VGLL4: variants seen among roughly 807,000 people sequenced by gnomAD.
VGLL4 encodes vestigial like family member 4.
Under a neutral mutation model 21.0 loss-of-function variants are expected in VGLL4, and 7 were observed. The observed-to-expected ratio is 0.33, with a 90% confidence interval of 0.19 to 0.63. VGLL4 has a LOEUF of 0.63. Among genes scored for constraint, VGLL4 ranks in the 20% least tolerant of loss-of-function variants. The pLI is 0.78. For missense variants in VGLL4, 394 were observed against 425.7 expected (o/e 0.93, Z 0.66); for synonymous variants, 222 against 173.2 (o/e 1.28, Z -2.21).
chr3:11,617,878 G>T (rs924715181), intron 1 of VGLL4, among the ~76,000 whole-genome samples: 1 of 152,160 alleles, frequency 6.6e-6, no homozygotes, highest in Non-Finnish European at 1.5e-5. Context: ...TCACTGTCAG[G>T]TGACGTTTTT....
intron 2 of VGLL4, among the ~76,000 whole-genome samples, chr3:11,595,849 GC>G (rs56115493): frequency 0.87 from 130,326 of 149,032 alleles, 57,384 homozygotes; most frequent in Non-Finnish European, 0.91. Flanking sequence ...TGTGGGGGGG[GC>G]GGGGAATAGC....
intron 2 of VGLL4, among the ~76,000 whole-genome samples, chr3:11,573,295 GA>G (rs1359023353): frequency 2.4e-4 from 3 of 12,500 alleles, no homozygotes; most frequent in Admixed American, 1.0e-3. Context: ...AAGAAAGAAA[GA>G]AAGAAAGAAA....
At chr3:11,702,816 A>G in intron 2 of VGLL4, 1 of 483,782 alleles carries the variant, frequency 2.1e-6, no homozygotes. Context: ...GAAAATACAA[A>G]TGAGGATGTG....
At chr3:11,558,879 CAG>C (rs1390677044) in intron 4 of VGLL4, 52 bp from the exon 5 acceptor site, 4 of 1,590,958 alleles carry the variant, frequency 2.5e-6, no homozygotes, top group Non-Finnish European at 3.4e-6. Flanking sequence ...TGCAGACAGA[CAG>C]GCACGGTTGC....
chr3:11,699,360 G>A (rs905404369), intron 2 of VGLL4, among the ~76,000 whole-genome samples: 6 of 152,234 alleles, frequency 3.9e-5, no homozygotes, highest in Middle Eastern at 3.4e-3. Flanking sequence ...AGTAAGAAAG[G>A]TTTCCCAAAA....
chr3:11,692,054 A>C (rs2076534308), intron 2 of VGLL4, among the ~76,000 whole-genome samples: 1 of 152,178 alleles, frequency 6.6e-6, no homozygotes, highest in African/African-American at 2.4e-5. Flanking sequence ...TCAATTGCAA[A>C]TGACATTAAC....
rs2075905575 is a variant in VGLL4, at chr3:11,653,331, A to T, written c.64+49640T>A. Among the ~76,000 whole-genome samples the T allele has an allele frequency of 6.6e-6, 1 of 152,206 alleles. No homozygotes were observed. Among genetic ancestry groups the T allele is most frequent in the African/African-American group, 2.4e-5 (1 of 41,440 alleles). On this transcript the variant is annotated intron_variant, in intron 2 of 5. Transcript: ENST00000273038. This position sits in a 1 kb window ranked among gnomAD's most constrained non-coding sequence, Gnocchi z 4.2. ...CCCCCATAGGGTAACTTACTATCCTAACCTTTAAGAACGTAGATCAGTTGT... is the reference window on the plus strand; with the variant it reads ...CCCCCATAGGGTAACTTACTATCCTTACCTTTAAGAACGTAGATCAGTTGT...
chr3:11,566,205 CACTG>C (rs2073497124), intron 2 of VGLL4, among the ~76,000 whole-genome samples: 1 of 152,122 alleles, frequency 6.6e-6, no homozygotes, highest in Non-Finnish European at 1.5e-5. Context: ...GTTACACACA[CACTG>C]AATGTTACAC....
At chr3:11,560,061 C>T (rs1426982977) in intron 3 of VGLL4, among the ~76,000 whole-genome samples, 1 of 152,130 alleles carries the variant, frequency 6.6e-6, no homozygotes, top group Admixed American at 6.5e-5. Flanking sequence ...CCTTCACCCC[C>T]ACCCCCACGC....
At chr3:11,639,832 C>T (rs532392681) in intron 1 of VGLL4, among the ~76,000 whole-genome samples, 38 of 151,932 alleles carry the variant, frequency 2.5e-4, no homozygotes, top group African/African-American at 8.7e-4. Flanking sequence ...GTGGAGATGG[C>T]GCCACTGCAC....
chr3:11,710,874 C>A (rs984581996), intron 1 of VGLL4, among the ~76,000 whole-genome samples: 2 of 151,870 alleles, frequency 1.3e-5, no homozygotes, highest in African/African-American at 4.8e-5. Flanking sequence ...CTGAGGCAGG[C>A]AGATCACTTG....
intron 1 of VGLL4, among the ~76,000 whole-genome samples, chr3:11,630,345 T>G (rs931260841): frequency 6.6e-6 from 1 of 152,122 alleles, no homozygotes; most frequent in Non-Finnish European, 1.5e-5. Flanking sequence ...CAATTATTGG[T>G]AAAGATTTAG....
rs1231090092 is a variant in VGLL4 at position 11,568,895 on chromosome 3, C to T, written c.273-3876G>A. On this transcript the variant is annotated intron_variant, in intron 2 of 4. Coordinates refer to ENST00000430365, the MANE Select transcript of VGLL4 (RefSeq NM_001128219.3). This position sits in a 1 kb window ranked among gnomAD's most constrained non-coding sequence, Gnocchi z 5.9. ...GGCTGCACGGCACCCGGCCCCGCCC[C>T]GGGCCTCATCCCCATCCTAGGCGGG... is the stretch of plus-strand genomic sequence containing the variant. 1.5e-5 allele frequency: 20 copies of T among 1,312,914 alleles called. No individual in the cohort carries two copies. The highest frequency in any genetic ancestry group is 1.8e-5 in the Non-Finnish European group (18 of 1,027,498). 81.3% of individuals were successfully genotyped at this position (1,312,914 alleles called of 1,614,324 possible). A position where few individuals can be genotyped will look rare whatever the true frequency, so the allele number is the denominator to read the frequency against.
chr3:11,685,840 A>G (rs1191364260), intron 2 of VGLL4, among the ~76,000 whole-genome samples: 1 of 152,146 alleles, frequency 6.6e-6, no homozygotes, highest in Non-Finnish European at 1.5e-5. Context: ...TGACAGAGCG[A>G]GACTCCATCT....
At chr3:11,658,852 G>C (rs773112670) in intron 2 of VGLL4, among the ~76,000 whole-genome samples, 5 of 152,102 alleles carry the variant, frequency 3.3e-5, no homozygotes, top group Non-Finnish European at 7.4e-5. Context: ...GCTGCTAATA[G>C]AAGACACTAG....
chr3:11,681,489 G>A (rs951693187), intron 2 of VGLL4, among the ~76,000 whole-genome samples: 3 of 152,332 alleles, frequency 2.0e-5, no homozygotes, highest in African/African-American at 7.2e-5. Flanking sequence ...ACAGCCCGTC[G>A]GCTCATGGAG....
chr3:11,570,259 C>CCCA (rs1276060782), intron 2 of VGLL4, among the ~76,000 whole-genome samples: 1 of 152,102 alleles, frequency 6.6e-6, no homozygotes, highest in African/African-American at 2.4e-5. Context: ...TCCATCACCT[C>CCCA]GCAGCTCCAT....
intron 1 of VGLL4, among the ~76,000 whole-genome samples, chr3:11,704,919 C>G (rs1367816295): frequency 1.3e-5 from 2 of 152,178 alleles, no homozygotes; most frequent in Non-Finnish European, 2.9e-5. Context: ...GTGAAGAAAA[C>G]AGAACTTGAG....
rs144167165 is a variant in VGLL4, at chr3:11,594,021, G to C, written c.272+7812C>G. Among the ~76,000 whole-genome samples, 43 of 152,346 alleles carry C rather than the reference G, an allele frequency of 2.8e-4. No homozygotes were observed. In the East Asian group the frequency reaches 7.9e-3, roughly 28 times the overall value. Reference sequence around the variant, plus strand: ...GTAAATATATACTGCTGATCAAAGAGAGGATGCCTGCTCCAACGGGAACGT... The same window carrying C: ...GTAAATATATACTGCTGATCAAAGACAGGATGCCTGCTCCAACGGGAACGT... On this transcript the variant is annotated intron_variant, in intron 2 of 4. Transcript: ENST00000430365.
Sources: allele counts gnomAD v4.1 joint callset (sites outside exome capture counted in the v4.1 genomes callset), GRCh38; gene constraint gnomAD v4.1.1; non-coding constraint Gnocchi (gnomAD v3.1); transcripts MANE v1.5; gene names NCBI Gene and HGNC (gene_info 2026-07-23, HGNC 2026-07-21).